Variants in SCLY observed in about 807,000 individuals in gnomAD.
SCLY encodes putative selenocysteine lyase.
SCLY carries 38 observed loss-of-function variants against 50.1 expected under a neutral mutation model. The observed-to-expected ratio is 0.76, with a 90% CI of 0.59 to 0.99. SCLY has a LOEUF of 0.99. Among genes scored for constraint, SCLY ranks in the 50% least tolerant of loss-of-function variants. SCLY has a pLI of 0.00. For missense variants in SCLY, 600 were observed against 620.0 expected, an observed-to-expected ratio of 0.97 and a Z score of 0.34; for synonymous variants, 243 against 249.4, an observed-to-expected ratio of 0.97 and a Z score of 0.24.
intron 1 of SCLY, among the ~76,000 whole-genome samples, chr2:238,062,677 G>A (rs772561846): frequency 4.3e-4 from 66 of 152,226 alleles, no homozygotes; most frequent in Non-Finnish European, 7.6e-4. Flanking sequence ...CTCCCAAAGT[G>A]CCGGGATTAC....
rs2065105262 is a variant in SCLY at position 238,069,353 on chromosome 2, A to G, written c.360A>G (p.Ser120=). The change falls in exon 4 of 12, where the codon TCA becomes TCG. Residue 120 remains serine (S), a synonymous_variant. Transcript: ENST00000254663. The surrounding 1 kb of genome is among the most constrained non-coding windows in gnomAD (Gnocchi z 5.0). ...VVKHFHANQT[S]KGHTGGHHSP... is the part of the protein sequence containing the mutation. ...AACATTTCCACGCAAACCAGACCTC[A>G]AAGGGACACACAGGTGGGCACCACA... 5 of 1,614,088 alleles carry G rather than the reference A, an allele frequency of 3.1e-6. No individual in the cohort carries two copies. The highest frequency in any genetic ancestry group is 4.2e-6 in the Non-Finnish European group (5 of 1,179,942).
At chr2:238,064,047 G>A (rs1253170036) in intron 1 of SCLY, among the ~76,000 whole-genome samples, 1 of 152,202 alleles carries the variant, frequency 6.6e-6, no homozygotes, top group Non-Finnish European at 1.5e-5. Flanking sequence ...CACATGGCTG[G>A]ACTACAGGCA....
Position 238,061,037 on chromosome 2 carries a change from G to A in SCLY, c.-18G>A. 1 of 1,369,022 alleles carries A rather than the reference G, an allele frequency of 7.3e-7. No individual in the cohort carries two copies. 84.8% of individuals were successfully genotyped at this position (1,369,022 alleles called of 1,614,324 possible). On this transcript the variant is annotated 5_prime_UTR_variant, in exon 1 of 12. Transcript: ENST00000254663. ...TCCGCGGGAAGGAGGCTGGATGCCC[G>A]GCAGCAGTGGGGCGGGGATGGAGGC...
intron 10 of SCLY, chr2:238,095,818 G>A (rs2065425891): frequency 6.6e-6 from 1 of 152,088 alleles, no homozygotes; most frequent in Non-Finnish European, 1.5e-5. Flanking sequence ...ACAGCCCACT[G>A]TAGCCTTGAC....
chr2:238,086,911 T>A (rs1291865682), intron 7 of SCLY, among the ~76,000 whole-genome samples: 1 of 150,908 alleles, frequency 6.6e-6, no homozygotes, highest in Non-Finnish European at 1.5e-5. Flanking sequence ...CCCAGCTACT[T>A]GGGAGGCTGA....
Position 238,083,268 on chromosome 2 carries a change from C to T in SCLY, c.798C>T (p.Gly266=), listed in dbSNP as rs58675760. 51 of 1,613,326 alleles carry T rather than the reference C, an allele frequency of 3.2e-5. No individual in the cohort carries two copies. Among genetic ancestry groups the T allele is most frequent in the East Asian group, 1.1e-4 (5 of 44,882 alleles). Residue 266 remains glycine (G), a synonymous_variant, in exon 7 of 12, where the codon GGC becomes GGT. Transcript: ENST00000254663. This position sits in a 1 kb window ranked among gnomAD's most constrained non-coding sequence, Gnocchi z 4.3. ...TCCAGTTTTATGGTCCCAGGATTGGCGCACTTTATATACGAGGACTTGGTG... is the reference window on the plus strand; with the variant it reads ...TCCAGTTTTATGGTCCCAGGATTGGTGCACTTTATATACGAGGACTTGGTG... The part of the protein sequence containing the change: ...VGHKFYGPRI[G]ALYIRGLGEF...
rs1038703439 is a variant in SCLY at position 238,069,227 on chromosome 2, C to T, written c.304-70C>T. ...GTTAGCCACAAAAGAAATTAAGTAACAGAAATTGTTGCTCTGACCCTTACC... is the reference window on the plus strand; with the variant it reads ...GTTAGCCACAAAAGAAATTAAGTAATAGAAATTGTTGCTCTGACCCTTACC... On this transcript the variant is annotated intron_variant, in intron 3 of 11. Transcript: ENST00000254663. The surrounding 1 kb of genome is among the most constrained non-coding windows in gnomAD (Gnocchi z 5.0). 18 of 1,380,928 alleles carry T rather than the reference C, an allele frequency of 1.3e-5. No homozygotes were observed. The Admixed American group carries it at 2.7e-4, about 21-fold the overall frequency. The allele number at this position is 1,380,928 out of a possible 1,614,324, so 85.5% of individuals were successfully genotyped here.
rs1559254207 is a variant in SCLY, at chr2:238,098,523, C to T, written c.*168C>T. The T allele has an allele frequency of 1.5e-5, 11 of 711,468 alleles. No individual in the cohort carries two copies. The highest frequency in any genetic ancestry group is 3.5e-5 in the Admixed American group (1 of 28,598). 44.1% of individuals were successfully genotyped at this position (711,468 alleles called of 1,614,324 possible). A position where few individuals can be genotyped will look rare whatever the true frequency, so the allele number is the denominator to read the frequency against. On this transcript the variant is annotated 3_prime_UTR_variant, in exon 12 of 12. Transcript: ENST00000254663. ...GCACCCCCAGTTTCCTTCCCTGGAC[C>T]CCTGCAGAGCTCACAGGGCCCAGGA...
At chr2:238,070,797 A>G (rs189597628) in intron 4 of SCLY, among the ~76,000 whole-genome samples, 5 of 151,682 alleles carry the variant, frequency 3.3e-5, no homozygotes, top group Admixed American at 3.3e-4. Flanking sequence ...AAAAAAATCT[A>G]ATTTTCTTAT....
At chr2:238,064,753 G>C in intron 2 of SCLY, 1 of 228,976 alleles carries the variant, frequency 4.4e-6, no homozygotes, top group Non-Finnish European at 8.6e-6. Flanking sequence ...CCTTGAAGTA[G>C]CAGTCAGTAC....
In SCLY at chr2:238,098,293, G is replaced by A. The variant is rs751716402; in HGVS notation, c.1276G>A (p.Glu426Lys). The change falls in exon 12 of 12, where the codon GAG becomes AAG. Residue 426 changes from glutamate (E) to lysine (K), a missense_variant. Transcript: ENST00000254663. ...LSVGRSTTRA[E>K]VDLVVQDLKQ... ...CGTGGGCCGCAGCACCACCAGGGCC[G>A]AGGTGGACCTCGTCGTGCAGGACCT... The A allele has an allele frequency of 1.1e-5, 18 of 1,609,100 alleles. No homozygotes were observed. The South Asian group carries it at 1.2e-4, about 11-fold the overall frequency.
At chr2:238,087,161 CAA>C (rs34951361) in intron 7 of SCLY, among the ~76,000 whole-genome samples, 6 of 124,044 alleles carry the variant, frequency 4.8e-5, no homozygotes, top group African/African-American at 6.1e-5. Flanking sequence ...CCTGTTTCTA[CAA>C]AAAAAAAAAA....
Position 238,094,450 on chromosome 2 carries a change from A to G in SCLY, c.1036A>G (p.Asn346Asp). Residue 346 changes from asparagine (N) to aspartate (D), a missense_variant, in exon 10 of 12, where the codon AAT (asparagine) becomes GAT (aspartate). Transcript: ENST00000254663. The stretch of plus-strand genomic sequence containing the variant: ...ATTCGGTCAGAAGAGAATCCATCTG[A>G]ATAGCCAGTTTCCAGGCACCCAGCG... ...AEFGQKRIHL[N>D]SQFPGTQRLP... The G allele has an allele frequency of 6.2e-7, 1 of 1,614,158 alleles. No individual in the cohort carries two copies. The highest frequency in any genetic ancestry group is 8.5e-7 in the Non-Finnish European group (1 of 1,179,992).
Position 238,098,563 on chromosome 2 carries a change from A to AACGCCCACATGGGACCGCCCACATG in SCLY, c.*208_*209insACGCCCACATGGGACCGCCCACATG. On this transcript the variant is annotated 3_prime_UTR_variant, in exon 12 of 12. Coordinates refer to ENST00000254663, the MANE Select transcript of SCLY (RefSeq NM_016510.7). ...AGGGCCCAGGACACCAACGCCGCATAGGACTGCCCACATGGGACCGCCCAC... is the reference window on the plus strand; with the variant it reads ...AGGGCCCAGGACACCAACGCCGCATAACGCCCACATGGGACCGCCCACATGGGACTGCCCACATGGGACCGCCCAC... 1 of 374,066 alleles carries AACGCCCACATGGGACCGCCCACATG rather than the reference A, an allele frequency of 2.7e-6. No individual in the cohort carries two copies. The highest frequency in any genetic ancestry group is 4.3e-6 in the Non-Finnish European group (1 of 234,798). The allele number at this position is 374,066 out of a possible 1,614,324, so 23.2% of individuals were successfully genotyped here. A position where few individuals can be genotyped will look rare whatever the true frequency, so the allele number is the denominator to read the frequency against.
At chr2:238,077,269 T>A (rs1220027277) in intron 4 of SCLY, among the ~76,000 whole-genome samples, 1 of 152,260 alleles carries the variant, frequency 6.6e-6, no homozygotes, top group Non-Finnish European at 1.5e-5. Flanking sequence ...GGTAACTTTT[T>A]AAATCCCTTT....
At chr2:238,073,794 T>G in intron 4 of SCLY, 1 of 463,898 alleles carries the variant, frequency 2.2e-6, no homozygotes, top group South Asian at 1.6e-5. Flanking sequence ...CTACTCAATG[T>G]GAAGATGATG....
In SCLY at chr2:238,098,409, G is replaced by C; in HGVS notation, c.*54G>C. Reference sequence around the variant, plus strand: ...CTGGGAAGCCCGTGGCAGGGCACAGGGTTGTCCCTCCAGTTCCCTCCTGAG... The same window carrying C: ...CTGGGAAGCCCGTGGCAGGGCACAGCGTTGTCCCTCCAGTTCCCTCCTGAG... On this transcript the variant is annotated 3_prime_UTR_variant, in exon 12 of 12. Coordinates refer to ENST00000254663, the MANE Select transcript of SCLY (RefSeq NM_016510.7). 1 of 1,520,252 alleles carries C rather than the reference G, an allele frequency of 6.6e-7. No homozygotes were observed. Among genetic ancestry groups the C allele is most frequent in the Non-Finnish European group, 8.8e-7 (1 of 1,135,120 alleles). 94.2% of individuals were successfully genotyped at this position (1,520,252 alleles called of 1,614,324 possible). A position where few individuals can be genotyped will look rare whatever the true frequency, so the allele number is the denominator to read the frequency against.
At chr2:238,073,397 G>C (rs887794958) in intron 4 of SCLY, among the ~76,000 whole-genome samples, 7 of 151,714 alleles carry the variant, frequency 4.6e-5, no homozygotes, top group Non-Finnish European at 7.4e-5. Context: ...CAAAAATCTA[G>C]CTAGGAGTTT....
chr2:238,073,103 A>G (rs1483159825), intron 4 of SCLY, among the ~76,000 whole-genome samples: 1 of 152,174 alleles, frequency 6.6e-6, no homozygotes, highest in African/African-American at 2.4e-5. Context: ...GTTCCAGCAC[A>G]TTTGTTGAAA....
Sources: gnomAD v4.1 joint callset for allele counts (sites outside exome capture counted in the v4.1 genomes callset) on GRCh38, gnomAD v4.1.1 for gene constraint, Gnocchi (gnomAD v3.1) non-coding constraint, MANE v1.5 for transcripts, NCBI Gene and HGNC (gene_info 2026-07-23, HGNC 2026-07-21) for gene names.